The following GRID1 variants were observed in gnomAD, a reference collection of about 807,000 sequenced individuals.
GRID1 encodes the protein glutamate receptor ionotropic, delta-1.
GRID1 carries 28 observed loss-of-function variants against 98.0 expected under a neutral mutation model. That is an observed-to-expected ratio of 0.29 (90% CI 0.21 to 0.39). The LOEUF (loss-of-function observed/expected upper bound fraction) is 0.39, where lower values mean the gene tolerates loss of function less well. Ranked by LOEUF, GRID1 falls within the 10% of genes least tolerant of loss-of-function variation. GRID1 has a pLI of 1.00. For missense variants in GRID1, 1,111 were observed against 1,340.5 expected, an observed-to-expected ratio of 0.83 and a Z score of 2.67; for synonymous variants, 553 against 538.5, an observed-to-expected ratio of 1.03 and a Z score of -0.37.
intron 2 of GRID1, among the ~76,000 whole-genome samples, chr10:86,326,092 C>A (rs1848046446): frequency 6.6e-6 from 1 of 152,160 alleles, no homozygotes; most frequent in Admixed American, 6.5e-5. Context: ...TGGGAGCACT[C>A]CCAATTAGAA....
At chr10:86,053,515 T>C (rs542373037) in intron 4 of GRID1, among the ~76,000 whole-genome samples, 7 of 151,992 alleles carry the variant, frequency 4.6e-5, no homozygotes, top group Admixed American at 4.6e-4. Context: ...TGCGCCACCA[T>C]GCCTGGCTAA....
At chr10:85,788,937 A>C (rs1211400081) in intron 8 of GRID1, among the ~76,000 whole-genome samples, 1 of 152,090 alleles carries the variant, frequency 6.6e-6, no homozygotes, top group Non-Finnish European at 1.5e-5. Flanking sequence ...GCATTTGTAT[A>C]CTTAGCTTTC....
chr10:86,208,951 T>C (rs1846071954), intron 2 of GRID1, among the ~76,000 whole-genome samples: 1 of 152,098 alleles, frequency 6.6e-6, no homozygotes, highest in Admixed American at 6.5e-5. Flanking sequence ...AAGATGCAAA[T>C]AGATGAGTGG....
chr10:86,363,425 C>T (rs1303322244), intron 2 of GRID1, among the ~76,000 whole-genome samples: 1 of 152,240 alleles, frequency 6.6e-6, no homozygotes, highest in Non-Finnish European at 1.5e-5. Flanking sequence ...CGGGCTGAGG[C>T]TCTGGGGGCC....
intron 4 of GRID1, among the ~76,000 whole-genome samples, chr10:85,989,992 C>T (rs1842660346): frequency 1.3e-5 from 2 of 152,172 alleles, no homozygotes; most frequent in Admixed American, 6.5e-5. Context: ...AAGACAGCCG[C>T]CTGTGAACCA....
chr10:85,730,061 C>G (rs74148743), intron 8 of GRID1, among the ~76,000 whole-genome samples: 3 of 152,202 alleles, frequency 2.0e-5, no homozygotes, highest in African/African-American at 7.2e-5. Context: ...AAGTAGCAAA[C>G]ACTCAAGTGT....
chr10:85,791,329 G>T (rs945813660), intron 8 of GRID1, among the ~76,000 whole-genome samples: 1 of 152,226 alleles, frequency 6.6e-6, no homozygotes. Flanking sequence ...CCAAAACCCT[G>T]ACTGGCGCAA....
chr10:85,757,940 C>T (rs771833327), intron 8 of GRID1, among the ~76,000 whole-genome samples: 1 of 152,188 alleles, frequency 6.6e-6, no homozygotes, highest in Non-Finnish European at 1.5e-5. Context: ...AACAGAAAGG[C>T]CAGGTAGGCA....
intron 3 of GRID1, among the ~76,000 whole-genome samples, chr10:86,156,871 G>A (rs1340517258): frequency 6.6e-6 from 1 of 152,202 alleles, no homozygotes; most frequent in African/African-American, 2.4e-5. Context: ...CAACAGAAGT[G>A]GTCTGGAGAG....
chr10:86,122,152 C>T (rs576007179), intron 4 of GRID1, among the ~76,000 whole-genome samples: 2 of 152,342 alleles, frequency 1.3e-5, no homozygotes, highest in South Asian at 2.1e-4. Context: ...CCACACATTA[C>T]GTCCTTTAAA....
intron 4 of GRID1, among the ~76,000 whole-genome samples, chr10:86,050,241 C>T (rs1206372666): frequency 6.6e-6 from 1 of 152,206 alleles, no homozygotes; most frequent in African/African-American, 2.4e-5. Flanking sequence ...AAAGGAGGCA[C>T]ACAATTTCTC....
At chr10:85,635,801 C>T (rs1270749127) in intron 13 of GRID1, among the ~76,000 whole-genome samples, 1 of 152,240 alleles carries the variant, frequency 6.6e-6, no homozygotes, top group South Asian at 2.1e-4. Context: ...TCTGTTATGG[C>T]CTGAGGGATA....
At chr10:86,340,121 G>A (rs1414756210) in intron 2 of GRID1, among the ~76,000 whole-genome samples, 4 of 152,068 alleles carry the variant, frequency 2.6e-5, no homozygotes, top group Non-Finnish European at 4.4e-5. Flanking sequence ...CAGTTGGGAG[G>A]CTCCAGGGGA....
intron 3 of GRID1, among the ~76,000 whole-genome samples, chr10:86,140,885 C>A (rs1377841827): frequency 6.6e-6 from 1 of 152,196 alleles, no homozygotes. Context: ...GGGGAGCCCA[C>A]CTCCTGTTGG....
chr10:85,709,854 T>C (rs1841563358), intron 12 of GRID1, among the ~76,000 whole-genome samples: 2 of 152,338 alleles, frequency 1.3e-5, no homozygotes, highest in Non-Finnish European at 1.5e-5. Context: ...GTTCTATATG[T>C]CTGTTGAGTG....
intron 4 of GRID1, among the ~76,000 whole-genome samples, chr10:86,027,885 A>C (rs1235968711): frequency 6.6e-6 from 1 of 152,172 alleles, no homozygotes; most frequent in Non-Finnish European, 1.5e-5. Flanking sequence ...ACCATCATGA[A>C]TTTCTCATTG....
chr10:86,007,940 C>T (rs1842883061), intron 4 of GRID1, among the ~76,000 whole-genome samples: 1 of 151,912 alleles, frequency 6.6e-6, no homozygotes, highest in Non-Finnish European at 1.5e-5. Context: ...AAGATCAACT[C>T]AAAAGACCAC....
intron 2 of GRID1, among the ~76,000 whole-genome samples, chr10:86,232,900 A>G (rs1246056501): frequency 6.6e-6 from 1 of 152,206 alleles, no homozygotes; most frequent in Non-Finnish European, 1.5e-5. Flanking sequence ...AGCTTTCCCA[A>G]GAGTTAAAAA....
intron 10 of GRID1, among the ~76,000 whole-genome samples, chr10:85,725,894 C>A (rs1230671612): frequency 6.6e-6 from 1 of 152,216 alleles, no homozygotes; most frequent in Non-Finnish European, 1.5e-5. Context: ...TCTTGCCTCT[C>A]TTCTAAAAAC....
Sources: gnomAD v4.1 joint callset for allele counts (sites outside exome capture counted in the v4.1 genomes callset) on GRCh38, gnomAD v4.1.1 for gene constraint, MANE v1.5 for transcripts, NCBI Gene and HGNC (gene_info 2026-07-23, HGNC 2026-07-21) for gene names.